The following RBBP4 variants were observed in gnomAD, a reference collection of about 807,000 sequenced individuals.
The protein encoded by RBBP4 is histone-binding protein RBBP4.
RBBP4 carries 3 observed loss-of-function variants against 57.2 expected under a neutral mutation model. That is an observed-to-expected ratio of 0.05 (90% CI 0.02 to 0.14). RBBP4 has a LOEUF of 0.14. Among genes scored for constraint, RBBP4 ranks in the 10% least tolerant of loss-of-function variants. The pLI is 1.00. For missense variants in RBBP4, 107 were observed against 520.6 expected (o/e 0.21, Z 7.73); for synonymous variants, 151 against 171.5 (o/e 0.88, Z 0.93).
intron 8 of RBBP4, 61 bp from the exon 9 acceptor site, chr1:32,672,389 G>A (rs1648916851): frequency 7.5e-7 from 1 of 1,327,190 alleles, no homozygotes. Flanking sequence ...AATATTTTGT[G>A]AATTTTTTCC....
chr1:32,679,404 C>CT (rs1201327778), intron 11 of RBBP4, among the ~76,000 whole-genome samples: 1 of 152,216 alleles, frequency 6.6e-6, no homozygotes, highest in Non-Finnish European at 1.5e-5. Flanking sequence ...AATCAGGCGT[C>CT]TGGGGATCAG....
rs1557868675 is a variant in RBBP4 at position 32,684,381 on chromosome 1, T to TAA, written c.*4676_*4677insAA. The TAA allele has an allele frequency of 6.2e-7, 1 of 1,614,202 alleles. No individual in the cohort carries two copies. Among genetic ancestry groups the TAA allele is most frequent in the Non-Finnish European group, 8.5e-7 (1 of 1,180,042 alleles). On this transcript the variant is annotated 3_prime_UTR_variant, in exon 12 of 12. Transcript: ENST00000373493. ...GCGTTCTTCCATTTCCTCCAGCTGT[T>TAA]CCTGCATGAGATGGCCAAGAACATT...
At chr1:32,679,174 G>A (rs1478448139) in intron 11 of RBBP4, among the ~76,000 whole-genome samples, 6 of 152,146 alleles carry the variant, frequency 3.9e-5, no homozygotes, top group Admixed American at 3.9e-4. Flanking sequence ...GCATGTGCCT[G>A]TAATCCTAGC....
rs1024989630 is a variant in RBBP4 at position 32,680,460 on chromosome 1, A to G, written c.*755A>G. ...TAGACTGTCAAGTTGAGAAGAGTGA[A>G]TCAATAACTTGTATTTGTTTTAAAA... On this transcript the variant is annotated 3_prime_UTR_variant, in exon 12 of 12. Coordinates refer to ENST00000373493, the MANE Select transcript of RBBP4 (RefSeq NM_005610.3). 4.6e-6 allele frequency: 7 copies of G among 1,531,472 alleles called. No homozygotes were observed. In the African/African-American group the frequency reaches 9.8e-5, roughly 21 times the overall value. 94.9% of individuals were successfully genotyped at this position (1,531,472 alleles called of 1,614,324 possible). A position where few individuals can be genotyped will look rare whatever the true frequency, so the allele number is the denominator to read the frequency against.
rs1002952097 is a variant in RBBP4, at chr1:32,668,734, T to C, written c.485-5T>C. The C allele has an allele frequency of 6.2e-7, 1 of 1,610,350 alleles. No homozygotes were observed. Among genetic ancestry groups the C allele is most frequent in the Middle Eastern group, 2.2e-4 (1 of 4,650 alleles). On this transcript the variant is annotated splice_region_variant and splice_polypyrimidine_tract_variant and intron_variant, in intron 4 of 11. Transcript: ENST00000373493. Reference sequence around the variant, plus strand: ...GGTAGTCTTGATGTGTCTGTCACTTTGCAGATCCTTCTGGAGAGTGCAACC... The same window carrying C: ...GGTAGTCTTGATGTGTCTGTCACTTCGCAGATCCTTCTGGAGAGTGCAACC...
In RBBP4 at chr1:32,681,216, A is replaced by G. The variant is rs1245028951; in HGVS notation, c.*1511A>G. On this transcript the variant is annotated 3_prime_UTR_variant, in exon 12 of 12. Transcript: ENST00000373493. ...AGGTAAGATCTTTGGGAAAATCTGA[A>G]TAGCGTTAACCATTAGATTCAAATC... The G allele has an allele frequency of 6.6e-6, 1 of 152,400 alleles. No individual in the cohort carries two copies. The highest frequency in any genetic ancestry group is 2.1e-4 in the South Asian group (1 of 4,832). The allele number at this position is 152,400 out of a possible 1,614,324, so 9.4% of individuals were successfully genotyped here.
At chr1:32,677,159 C>T (rs985856758) in intron 11 of RBBP4, among the ~76,000 whole-genome samples, 3 of 152,184 alleles carry the variant, frequency 2.0e-5, no homozygotes, top group African/African-American at 7.2e-5. Context: ...CCACTTTGGA[C>T]CACACCTGAG....
Position 32,680,712 on chromosome 1 carries a change from TCTAGAAGAGTCCTTCAGATGA to T in RBBP4, c.*1009_*1029del. ...ATCCATCAAACACCAGTCTCTGGCT[TCTAGAAGAGTCCTTCAGATGA>T]CAGTTGTTGTCCATGGTCTTTGACT... On this transcript the variant is annotated 3_prime_UTR_variant, in exon 12 of 12. Transcript: ENST00000373493. The T allele has an allele frequency of 1.7e-6, 1 of 602,220 alleles. No homozygotes were observed. The highest frequency in any genetic ancestry group is 3.0e-5 in the East Asian group (1 of 32,886). The allele number at this position is 602,220 out of a possible 1,614,324, so 37.3% of individuals were successfully genotyped here.
chr1:32,673,502 A>G (rs1462776454), intron 11 of RBBP4: 3 of 420,920 alleles, frequency 7.1e-6, no homozygotes, highest in Admixed American at 2.9e-5. Context: ...CAATGGTGCA[A>G]TCTCGGCTCA....
chr1:32,680,205 C>T lies in RBBP4; in HGVS notation c.*500C>T. ...CAGGATGCACATTTTCATACGTAGA[C>T]CAGTTTCCTCTTGGTTTCTTCAGTT... On this transcript the variant is annotated 3_prime_UTR_variant, in exon 12 of 12. Transcript: ENST00000373493. 1 of 1,118,164 alleles carries T rather than the reference C, an allele frequency of 8.9e-7. No homozygotes were observed. Among genetic ancestry groups the T allele is most frequent in the Non-Finnish European group, 1.1e-6 (1 of 915,064 alleles). 69.3% of individuals were successfully genotyped at this position (1,118,164 alleles called of 1,614,324 possible).
At chr1:32,654,879 G>C (rs562219337) in intron 2 of RBBP4, among the ~76,000 whole-genome samples, 8 of 152,242 alleles carry the variant, frequency 5.3e-5, no homozygotes, top group Non-Finnish European at 1.2e-4. Flanking sequence ...ATTTTTAGTA[G>C]AGATGGGGTT....
chr1:32,659,004 T>A (rs1034923354), intron 3 of RBBP4, among the ~76,000 whole-genome samples: 2 of 147,564 alleles, frequency 1.4e-5, no homozygotes, highest in African/African-American at 4.9e-5. Flanking sequence ...GTGTGTAAAA[T>A]ATAGTTATAT....
chr1:32,653,682 C>T lies in RBBP4; in HGVS notation c.164+1621C>T, dbSNP rs369462460. 1.5e-3 allele frequency among the ~76,000 whole-genome samples: 149 copies of T among 100,080 alleles called. 1 individual carries two copies. Among genetic ancestry groups the T allele is most frequent in the Non-Finnish European group, 1.6e-3 (86 of 54,242 alleles). 65.7% of individuals were successfully genotyped at this position (100,080 alleles called of 152,430 possible). On this transcript the variant is annotated intron_variant, in intron 2 of 11. Coordinates refer to ENST00000373493, the MANE Select transcript of RBBP4 (RefSeq NM_005610.3). ...TTTGTTTTTGTTTTTTTTTTTGAGA[C>T]GGAGTCTCCTCTCTTGCCCAGGCTG...
intron 11 of RBBP4, among the ~76,000 whole-genome samples, chr1:32,673,880 C>T (rs1017885566): frequency 2.0e-5 from 3 of 151,998 alleles, no homozygotes; most frequent in Admixed American, 6.5e-5. Context: ...GGGTGGATCA[C>T]GAGGTCAGGA....
intron 2 of RBBP4, among the ~76,000 whole-genome samples, chr1:32,656,205 T>C (rs938205069): frequency 6.6e-5 from 10 of 152,318 alleles, no homozygotes; most frequent in African/African-American, 2.4e-4. Context: ...TTTTTTCTTT[T>C]TTGAGACAGG....
chr1:32,666,502 G>A (rs1329997112), intron 3 of RBBP4, among the ~76,000 whole-genome samples: 4 of 151,950 alleles, frequency 2.6e-5, no homozygotes, highest in Non-Finnish European at 1.5e-5. Flanking sequence ...GACTACAGGC[G>A]CCTGCCACGA....
intron 2 of RBBP4, among the ~76,000 whole-genome samples, chr1:32,655,962 A>T (rs1570835018): frequency 6.6e-6 from 1 of 152,254 alleles, no homozygotes; most frequent in East Asian, 1.9e-4. Flanking sequence ...TCTGGAGTAG[A>T]TGTGAGAATT....
chr1:32,682,265 A>G lies in RBBP4; in HGVS notation c.*2560A>G. Reference sequence around the variant, plus strand: ...TGTGGATTCAAACACAGTATAAGAAAATCCTCAAGGCTGGGTGTGATGGCT... The same window carrying G: ...TGTGGATTCAAACACAGTATAAGAAGATCCTCAAGGCTGGGTGTGATGGCT... On this transcript the variant is annotated 3_prime_UTR_variant, in exon 12 of 12. Transcript: ENST00000373493. 5.6e-6 allele frequency: 1 copy of G among 178,866 alleles called. No individual in the cohort carries two copies. 11.1% of individuals were successfully genotyped at this position (178,866 alleles called of 1,614,324 possible).
Position 32,669,287 on chromosome 1 carries a change from C to T in RBBP4, c.818C>T (p.Thr273Ile). The change falls in exon 7 of 12, where the codon ACT becomes ATT. Residue 273 changes from threonine to isoleucine, a missense_variant. By Grantham distance (89) the Thr-to-Ile change is moderately conservative. Coordinates refer to ENST00000373493, the MANE Select transcript of RBBP4 (RefSeq NM_005610.3). This position sits in a 1 kb window ranked among gnomAD's most constrained non-coding sequence, Gnocchi z 4.9. ...CCAAGCCACTCAGTTGATGCTCACA[C>T]TGCTGAAGTGAACTGCCTTTCTTTC... ...SKPSHSVDAH[T>I]AEVNCLSFNP... The T allele has an allele frequency of 6.2e-7, 1 of 1,612,782 alleles. No individual in the cohort carries two copies. Among genetic ancestry groups the T allele is most frequent in the Non-Finnish European group, 8.5e-7 (1 of 1,180,016 alleles).
Sources: gnomAD v4.1 joint callset for allele counts (sites outside exome capture counted in the v4.1 genomes callset) on GRCh38, gnomAD v4.1.1 for gene constraint, Gnocchi (gnomAD v3.1) non-coding constraint, MANE v1.5 for transcripts, NCBI Gene and HGNC (gene_info 2026-07-23, HGNC 2026-07-21) for gene names.